The following GNG12 variants were observed in gnomAD, a reference collection of about 807,000 sequenced individuals.
GNG12 encodes the protein guanine nucleotide-binding protein G(I)/G(S)/G(O) subunit gamma-12.
For synonymous variants in GNG12, 28 were observed against 29.7 expected (o/e 0.94, Z 0.19); for missense variants, 69 against 83.8 (o/e 0.82, Z 0.69).
At chr1:67,735,553 ACTAT>A (rs1646448299) in intron 2 of GNG12, among the ~76,000 whole-genome samples, 2 of 152,328 alleles carry the variant, frequency 1.3e-5, no homozygotes, top group South Asian at 2.1e-4. Context: ...ATCTCATGGA[ACTAT>A]CTGAGGATGA....
intron 2 of GNG12, among the ~76,000 whole-genome samples, chr1:67,715,164 G>A (rs1218604609): frequency 6.6e-6 from 1 of 152,018 alleles, no homozygotes; most frequent in Non-Finnish European, 1.5e-5. Context: ...TGATCCACCC[G>A]CCTCACCCTC....
At chr1:67,744,628 T>C (rs898961359) in intron 2 of GNG12, among the ~76,000 whole-genome samples, 3 of 152,134 alleles carry the variant, frequency 2.0e-5, no homozygotes, top group East Asian at 1.9e-4. Flanking sequence ...CTGCTACTCA[T>C]GGGGCAGGAG....
intron 2 of GNG12, among the ~76,000 whole-genome samples, chr1:67,747,433 T>C (rs1238958047): frequency 1.3e-5 from 2 of 152,206 alleles, no homozygotes; most frequent in African/African-American, 4.8e-5. Flanking sequence ...AAAAAATCTA[T>C]TGAGTGTTCG....
At chr1:67,763,120 A>AGAGAGAGAGAGAGAGAGAGAGAGAGAAT (rs1553157312) in intron 2 of GNG12, among the ~76,000 whole-genome samples, 3 of 151,154 alleles carry the variant, frequency 2.0e-5, no homozygotes, top group African/African-American at 7.3e-5. Flanking sequence ...AGAGAGAGAG[A>AGAGAGAGAGAGAGAGAGAGAGAGAGAAT]ATCAATATGA....
At chr1:67,754,084 G>A (rs147721134) in intron 2 of GNG12, among the ~76,000 whole-genome samples, 4 of 152,202 alleles carry the variant, frequency 2.6e-5, no homozygotes, top group Admixed American at 1.3e-4. Flanking sequence ...GGTCGTGCCC[G>A]GAGAGTTGTG....
chr1:67,811,324 C>T (rs1007215930), intron 1 of GNG12, among the ~76,000 whole-genome samples: 4 of 152,118 alleles, frequency 2.6e-5, no homozygotes, highest in Non-Finnish European at 5.9e-5. Flanking sequence ...CAGCCATCCC[C>T]AAGGGACCTC....
chr1:67,778,696 A>G (rs1169894476), intron 1 of GNG12, among the ~76,000 whole-genome samples: 1 of 152,152 alleles, frequency 6.6e-6, no homozygotes, highest in Non-Finnish European at 1.5e-5. Flanking sequence ...TATTTACACA[A>G]GACTGTGAGA....
chr1:67,780,175 T>C (rs79433707), intron 1 of GNG12, among the ~76,000 whole-genome samples: 3,266 of 152,318 alleles, frequency 0.021, 131 homozygotes, highest in African/African-American at 0.075. Flanking sequence ...GTGCTTTACA[T>C]GCTCCTTTAA....
At chr1:67,786,325 G>A (rs1646767174) in intron 1 of GNG12, among the ~76,000 whole-genome samples, 1 of 152,276 alleles carries the variant, frequency 6.6e-6, no homozygotes, top group South Asian at 2.1e-4. Context: ...GCTGTTTCGT[G>A]TCTATTTCCA....
rs1646219851 is a variant in GNG12, at chr1:67,702,250, G to A, written c.*3201C>T. The A allele has an allele frequency of 6.6e-6, 1 of 152,148 alleles. No homozygotes were observed. The highest frequency in any genetic ancestry group is 6.5e-5 in the Admixed American group (1 of 15,282). 9.4% of individuals were successfully genotyped at this position (152,148 alleles called of 1,614,324 possible). ...AAAACCCATAATGTACTCTGGTATT[G>A]TATTTATTTCACTGAGAAATGACTG... On this transcript the variant is annotated 3_prime_UTR_variant, in exon 4 of 4. Coordinates refer to ENST00000370982, the MANE Select transcript of GNG12 (RefSeq NM_018841.6).
chr1:67,768,378 A>G (rs1003731214), intron 2 of GNG12, among the ~76,000 whole-genome samples: 4 of 152,204 alleles, frequency 2.6e-5, no homozygotes, highest in Non-Finnish European at 5.9e-5. Flanking sequence ...TTGATACTAT[A>G]AAGAACTAGT....
At chr1:67,782,532 C>T (rs1646743586) in intron 1 of GNG12, among the ~76,000 whole-genome samples, 1 of 152,160 alleles carries the variant, frequency 6.6e-6, no homozygotes, top group Admixed American at 6.6e-5. Flanking sequence ...TACCTGGTTA[C>T]TGTCCTAATC....
At position 67,702,217 on chromosome 1, in the gene GNG12, A is replaced by T. The variant is rs1398433253; in HGVS notation, c.*3234T>A. ...CCCATTAACAGGTCTACCATAAAAGAAAGCAATAAAACCCATAATGTACTC... is the reference window on the plus strand; with the variant it reads ...CCCATTAACAGGTCTACCATAAAAGTAAGCAATAAAACCCATAATGTACTC... On this transcript the variant is annotated 3_prime_UTR_variant, in exon 4 of 4. Transcript: ENST00000370982. 1 of 152,260 alleles carries T rather than the reference A, an allele frequency of 6.6e-6. No homozygotes were observed. Among genetic ancestry groups the T allele is most frequent in the Admixed American group, 6.5e-5 (1 of 15,286 alleles). The allele number at this position is 152,260 out of a possible 1,614,324, so 9.4% of individuals were successfully genotyped here. A position where few individuals can be genotyped will look rare whatever the true frequency, so the allele number is the denominator to read the frequency against.
At chr1:67,728,181 T>A (rs180852718) in intron 2 of GNG12, among the ~76,000 whole-genome samples, 2 of 152,206 alleles carry the variant, frequency 1.3e-5, no homozygotes, top group African/African-American at 4.8e-5. Flanking sequence ...GCAGCTCTTT[T>A]CATGCATCCA....
In GNG12 at chr1:67,707,693, T is replaced by G. The variant is rs1374113008; in HGVS notation, c.-7A>C. The G allele has an allele frequency of 6.3e-7, 1 of 1,586,086 alleles. No individual in the cohort carries two copies. The highest frequency in any genetic ancestry group is 1.7e-4 in the Middle Eastern group (1 of 5,986). ...TTGCTGTTTTGCTGGACATCTTCAA[T>G]TATTGTTTTTACCTGAAATCTGAGG... is the stretch of plus-strand genomic sequence containing the variant. On this transcript the variant is annotated 5_prime_UTR_variant, in exon 3 of 4. Coordinates refer to ENST00000370982, the MANE Select transcript of GNG12 (RefSeq NM_018841.6).
chr1:67,724,705 A>G (rs1311523161), intron 2 of GNG12, among the ~76,000 whole-genome samples: 1 of 152,174 alleles, frequency 6.6e-6, no homozygotes, highest in Non-Finnish European at 1.5e-5. Context: ...CTATTCATAT[A>G]AAGTTCAGGA....
intron 2 of GNG12, among the ~76,000 whole-genome samples, chr1:67,758,441 C>T (rs749217779): frequency 2.0e-5 from 3 of 152,174 alleles, no homozygotes; most frequent in African/African-American, 4.8e-5. Flanking sequence ...CTGGTAGCAG[C>T]GGCCAGCTCG....
intron 1 of GNG12, among the ~76,000 whole-genome samples, chr1:67,829,098 A>G (rs961146119): frequency 8.3e-4 from 126 of 152,208 alleles, no homozygotes; most frequent in African/African-American, 2.9e-3. Flanking sequence ...ATTGTGGAAA[A>G]TAGGGGAAAA....
At chr1:67,706,208 T>C (rs76198121) in intron 3 of GNG12, among the ~76,000 whole-genome samples, 1,850 of 152,254 alleles carry the variant, frequency 0.012, 32 homozygotes, top group African/African-American at 0.043. Context: ...AATAAAAAGT[T>C]AGGGGCCAGG....
Sources: gnomAD v4.1 joint callset for allele counts (sites outside exome capture counted in the v4.1 genomes callset) on GRCh38, gnomAD v4.1.1 for gene constraint, MANE v1.5 for transcripts, NCBI Gene and HGNC (gene_info 2026-07-23, HGNC 2026-07-21) for gene names.